The following CRACD variants were observed in gnomAD, a reference collection of about 807,000 sequenced individuals.
The protein encoded by CRACD is capping protein inhibiting regulator of actin dynamics.
CRACD carries 56 observed loss-of-function variants against 106.8 expected under a neutral mutation model. The observed-to-expected ratio is 0.52, with a 90% CI of 0.42 to 0.66. The LOEUF is 0.66. Ranked by LOEUF, CRACD falls within the 30% of genes least tolerant of loss-of-function variation. The pLI, the probability that CRACD is intolerant of heterozygous loss-of-function variation, is 0.00. For missense variants in CRACD, 1,730 were observed against 1,623.2 expected, an observed-to-expected ratio of 1.07 and a Z score of -1.13; for synonymous variants, 754 against 670.8, an observed-to-expected ratio of 1.12 and a Z score of -1.92.
intron 3 of CRACD, among the ~76,000 whole-genome samples, chr4:56,284,295 A>AAAAAAG (rs1743205535): frequency 6.9e-6 from 1 of 145,976 alleles, no homozygotes; most frequent in African/African-American, 2.6e-5. Flanking sequence ...CCTAAAGTAA[A>AAAAAAG]AAAAAAAAAA....
chr4:56,283,004 A>T (rs1342245571), intron 3 of CRACD, among the ~76,000 whole-genome samples: 1 of 152,062 alleles, frequency 6.6e-6, no homozygotes, highest in Non-Finnish European at 1.5e-5. Context: ...GGGCTAACTT[A>T]GTTTGTTTTG....
At chr4:56,296,840 G>A (rs1229685352) in intron 3 of CRACD, among the ~76,000 whole-genome samples, 1 of 152,138 alleles carries the variant, frequency 6.6e-6, no homozygotes, top group Admixed American at 6.5e-5. Context: ...AGATCAAGTA[G>A]GGAACAGTTT....
At chr4:56,275,763 C>G (rs1026476558) in intron 3 of CRACD, among the ~76,000 whole-genome samples, 14 of 152,162 alleles carry the variant, frequency 9.2e-5, no homozygotes, top group African/African-American at 3.1e-4. Flanking sequence ...CACAAAAGCA[C>G]AAAACTCAAA....
chr4:56,179,066 G>A (rs1360385458), intron 1 of CRACD, among the ~76,000 whole-genome samples: 1 of 152,148 alleles, frequency 6.6e-6, no homozygotes, highest in African/African-American at 2.4e-5. Flanking sequence ...CTCAAAAGGG[G>A]GAAAGTTAAT....
At chr4:56,136,606 T>C (rs1735009560) in intron 1 of CRACD, among the ~76,000 whole-genome samples, 1 of 152,214 alleles carries the variant, frequency 6.6e-6, no homozygotes, top group South Asian at 2.1e-4. Flanking sequence ...TGCTTTGATT[T>C]TTTATTATTG....
intron 2 of CRACD, among the ~76,000 whole-genome samples, chr4:56,244,903 T>A (rs1484490220): frequency 6.6e-6 from 1 of 152,212 alleles, no homozygotes; most frequent in Admixed American, 6.5e-5. Context: ...AAGCTGCCCT[T>A]CCAGTCTAAT....
chr4:56,313,350 G>T lies in CRACD; in HGVS notation c.508G>T (p.Val170Leu). The change falls in exon 7 of 11, where the codon GTG (valine) becomes TTG (leucine). Residue 170 changes from valine (V) to leucine (L), a missense_variant. Val to Leu is a conservative substitution (Grantham distance 32). Coordinates refer to ENST00000682029, the MANE Select transcript of CRACD (RefSeq NM_001393381.1). The stretch of plus-strand genomic sequence containing the variant: ...GGCTGTTAAGCCAAAAAAACAGAGG[G>T]TGTCAAAGAAGCACAGGCGCCTTGC... ...KLAVKPKKQR[V>L]SKKHRRLAQD... The T allele has an allele frequency of 1.2e-6, 2 of 1,614,090 alleles. No individual in the cohort carries two copies. Among genetic ancestry groups the T allele is most frequent in the Non-Finnish European group, 1.7e-6 (2 of 1,180,022 alleles).
At chr4:56,198,259 A>G (rs1311486012) in intron 2 of CRACD, among the ~76,000 whole-genome samples, 1 of 152,228 alleles carries the variant, frequency 6.6e-6, no homozygotes, top group Non-Finnish European at 1.5e-5. Flanking sequence ...TTTGAAATAT[A>G]AGAAAATGTG....
chr4:56,273,660 G>A (rs1742502328), intron 3 of CRACD, among the ~76,000 whole-genome samples: 1 of 152,150 alleles, frequency 6.6e-6, no homozygotes, highest in Admixed American at 6.5e-5. Flanking sequence ...CTGTGTTCTT[G>A]TAGCATTGTG....
chr4:56,321,503 T>C (rs1746107477), intron 8 of CRACD, among the ~76,000 whole-genome samples: 1 of 152,244 alleles, frequency 6.6e-6, no homozygotes, highest in African/African-American at 2.4e-5. Context: ...TCAGATGTAG[T>C]GTTTAGCCAG....
chr4:56,145,191 A>G (rs975900883), intron 1 of CRACD, among the ~76,000 whole-genome samples: 5 of 152,126 alleles, frequency 3.3e-5, no homozygotes, highest in African/African-American at 9.7e-5. Context: ...TTTTATTCCA[A>G]GTGCTCCATA....
At chr4:56,167,372 A>T (rs1446541197) in intron 1 of CRACD, among the ~76,000 whole-genome samples, 10 of 152,256 alleles carry the variant, frequency 6.6e-5, no homozygotes, top group Non-Finnish European at 1.3e-4. Context: ...ATAATTGTAT[A>T]TATGTATGGG....
chr4:56,232,130 C>T (rs1414322521), intron 2 of CRACD, among the ~76,000 whole-genome samples: 1 of 152,158 alleles, frequency 6.6e-6, no homozygotes, highest in Non-Finnish European at 1.5e-5. Context: ...TTTCTGCTCC[C>T]CTATTCATTG....
At chr4:56,119,205 A>G (rs1734399421) in intron 1 of CRACD, among the ~76,000 whole-genome samples, 1 of 152,190 alleles carries the variant, frequency 6.6e-6, no homozygotes, top group Non-Finnish European at 1.5e-5. Context: ...GCTCTTAACC[A>G]CTACTCTGGA....
intron 2 of CRACD, among the ~76,000 whole-genome samples, chr4:56,185,230 T>TA (rs1436999122): frequency 6.6e-6 from 1 of 152,222 alleles, no homozygotes; most frequent in Non-Finnish European, 1.5e-5. Context: ...GTGCTGGGAT[T>TA]ACAGGCGTGA....
At chr4:56,277,772 A>G (rs1742763480) in intron 3 of CRACD, among the ~76,000 whole-genome samples, 2 of 152,224 alleles carry the variant, frequency 1.3e-5, no homozygotes, top group Admixed American at 1.3e-4. Flanking sequence ...ATACACACAC[A>G]GAAAGCTATT....
At chr4:56,204,783 G>A (rs1420881206) in intron 2 of CRACD, among the ~76,000 whole-genome samples, 1 of 152,208 alleles carries the variant, frequency 6.6e-6, no homozygotes, top group East Asian at 1.9e-4. Context: ...GAGTAAGCAG[G>A]GAAAGGTGAG....
Position 56,314,040 on chromosome 4 carries a change from G to A in CRACD, c.538G>A (p.Asp180Asn), listed in dbSNP as rs777966275. The A allele has an allele frequency of 2.5e-6, 4 of 1,611,344 alleles. No individual in the cohort carries two copies. Among genetic ancestry groups the A allele is most frequent in the South Asian group, 2.2e-5 (2 of 90,972 alleles). The part of the protein sequence containing the change: ...VSKKHRRLAQ[D>N]PQHEQGGLES... ...ATTGTGTTTTCCTTTCCAATGTTAG[G>A]ATCCACAACATGAGCAAGGCGGCCT... Residue 180 changes from aspartate to asparagine, a missense_variant and splice_region_variant, in exon 8 of 11, where the codon GAT becomes AAT. Coordinates refer to ENST00000682029, the MANE Select transcript of CRACD (RefSeq NM_001393381.1). The surrounding 1 kb of genome is among the most constrained non-coding windows in gnomAD (Gnocchi z 4.4).
chr4:56,270,433 C>T (rs1255050099), intron 2 of CRACD, among the ~76,000 whole-genome samples: 2 of 152,138 alleles, frequency 1.3e-5, no homozygotes, highest in African/African-American at 4.8e-5. Flanking sequence ...TGGCTTGTTT[C>T]CTCACTGACC....
Sources: gnomAD v4.1 joint callset for allele counts (sites outside exome capture counted in the v4.1 genomes callset) on GRCh38, gnomAD v4.1.1 for gene constraint, Gnocchi (gnomAD v3.1) non-coding constraint, MANE v1.5 for transcripts, NCBI Gene and HGNC (gene_info 2026-07-23, HGNC 2026-07-21) for gene names.